Variants in TGFBR3 observed in about 807,000 individuals in gnomAD.
The protein encoded by TGFBR3 is transforming growth factor beta receptor type 3.
In TGFBR3, 46 loss-of-function variants were observed where a neutral mutation model predicts 87.9. The observed-to-expected ratio is 0.52, with a 90% CI of 0.41 to 0.67. The LOEUF is 0.67. Among genes scored for constraint, TGFBR3 ranks in the 30% least tolerant of loss-of-function variants. TGFBR3 has a pLI of 0.00. For synonymous variants in TGFBR3, 381 were observed against 391.6 expected (o/e 0.97, Z 0.32); for missense variants, 866 against 1,041.9 (o/e 0.83, Z 2.32).
chr1:91,873,267 G>T (rs892029585), intron 1 of TGFBR3, among the ~76,000 whole-genome samples: 2 of 147,576 alleles, frequency 1.4e-5, no homozygotes, highest in Non-Finnish European at 3.0e-5. Flanking sequence ...CATCACACCT[G>T]GCCAATTTTC....
Position 91,881,893 on chromosome 1 carries a change from G to A in TGFBR3, c.-114+3985C>T, listed in dbSNP as rs368472913. 7.6e-4 allele frequency among the ~76,000 whole-genome samples: 115 copies of A among 151,840 alleles called. No individual in the cohort carries two copies. In the South Asian group the frequency reaches 0.011, roughly 15 times the overall value. ...TCTCTACGAAAAATATAAAAAATTA[G>A]TCGGGCGTGGTGGCATGCACCTGTG... On this transcript the variant is annotated intron_variant, in intron 1 of 16. Coordinates refer to ENST00000212355, the MANE Select transcript of TGFBR3 (RefSeq NM_003243.5).
intron 2 of TGFBR3, among the ~76,000 whole-genome samples, chr1:91,858,610 C>T (rs1327791573): frequency 1.3e-5 from 1 of 78,292 alleles, no homozygotes; most frequent in African/African-American, 5.4e-5. Flanking sequence ...GACTCTGTCT[C>T]AAAAAAAAAA....
At chr1:91,714,149 C>G (rs906878959) in intron 12 of TGFBR3, among the ~76,000 whole-genome samples, 6 of 151,914 alleles carry the variant, frequency 3.9e-5, no homozygotes, top group African/African-American at 1.5e-4. Flanking sequence ...TACATGCTCT[C>G]CTGCTCACGT....
At chr1:91,782,118 C>G (rs1674791386) in intron 3 of TGFBR3, among the ~76,000 whole-genome samples, 1 of 152,060 alleles carries the variant, frequency 6.6e-6, no homozygotes, top group South Asian at 2.1e-4. Flanking sequence ...ATACCGAGAG[C>G]AATGAAGGGC....
At chr1:91,898,446 G>GT (rs143942076) in intron 2 of TGFBR3, among the ~76,000 whole-genome samples, 7,598 of 151,614 alleles carry the variant, frequency 0.05, 198 homozygotes, top group Non-Finnish European at 0.067. Context: ...TGGTTTTTCT[G>GT]TTTTTTTTGA....
chr1:91,760,187 A>G (rs1269424370), intron 3 of TGFBR3, among the ~76,000 whole-genome samples: 1 of 152,222 alleles, frequency 6.6e-6, no homozygotes, highest in African/African-American at 2.4e-5. Context: ...TGCATGTCTT[A>G]ATTTCCAAAA....
chr1:91,816,393 C>T (rs1393762096), intron 2 of TGFBR3, among the ~76,000 whole-genome samples: 6 of 152,082 alleles, frequency 3.9e-5, no homozygotes, highest in Non-Finnish European at 8.8e-5. Context: ...CTTTCTTTCT[C>T]CTCATTTTTC....
rs1479248842 is a variant in TGFBR3, at chr1:91,849,047, G to GA, written c.61+12423dup. Among the ~76,000 whole-genome samples, 11 of 152,254 alleles carry GA rather than the reference G, an allele frequency of 7.2e-5. No individual in the cohort carries two copies. The East Asian group carries it at 1.9e-3, about 27-fold the overall frequency. Reference sequence around the variant, plus strand: ...TCCTCCTCAAAAGGAATAGGTTGGGGAAAAATTACAAAAGCATCATTCTGA... The same window carrying GA: ...TCCTCCTCAAAAGGAATAGGTTGGGGAAAAAATTACAAAAGCATCATTCTGA... On this transcript the variant is annotated intron_variant, in intron 2 of 16. Transcript: ENST00000212355.
intron 2 of TGFBR3, among the ~76,000 whole-genome samples, chr1:91,836,195 C>T (rs1184704188): frequency 6.6e-6 from 1 of 151,940 alleles, no homozygotes; most frequent in East Asian, 1.9e-4. Context: ...TGCGGTGAGC[C>T]GAGATTGCAC....
intron 14 of TGFBR3, among the ~76,000 whole-genome samples, chr1:91,701,800 G>A (rs1671627445): frequency 6.6e-6 from 1 of 152,144 alleles, no homozygotes; most frequent in African/African-American, 2.4e-5. Flanking sequence ...AGAAGAATGG[G>A]GAGAGGAAGA....
intron 14 of TGFBR3, among the ~76,000 whole-genome samples, chr1:91,703,577 T>C (rs1233387888): frequency 6.6e-6 from 1 of 152,214 alleles, no homozygotes; most frequent in East Asian, 1.9e-4. Flanking sequence ...CTCTTCTGTG[T>C]ATGTGCACTG....
At chr1:91,774,141 T>C (rs1674480275) in intron 3 of TGFBR3, among the ~76,000 whole-genome samples, 4 of 144,102 alleles carry the variant, frequency 2.8e-5, no homozygotes, top group South Asian at 2.4e-4. Context: ...CTTTTAGATA[T>C]ACTTTTCTTT....
intron 2 of TGFBR3, among the ~76,000 whole-genome samples, chr1:91,858,004 G>A (rs1186139624): frequency 6.6e-6 from 1 of 152,184 alleles, no homozygotes; most frequent in African/African-American, 2.4e-5. Flanking sequence ...CCTGGACTAA[G>A]TAGGTTTATA....
chr1:91,901,930 A>C (rs996490708), intron 1 of TGFBR3, among the ~76,000 whole-genome samples: 26 of 127,058 alleles, frequency 2.0e-4, no homozygotes, highest in South Asian at 5.4e-4. Flanking sequence ...ACCCTCCCCC[A>C]CCCCACCAAA....
intron 14 of TGFBR3, among the ~76,000 whole-genome samples, chr1:91,707,957 G>C (rs1193299293): frequency 3.9e-5 from 6 of 152,154 alleles, no homozygotes; most frequent in Non-Finnish European, 7.3e-5. Flanking sequence ...GCCCAGTTCT[G>C]CCTCTCTACT....
At chr1:91,874,097 T>G (rs1678691323) in intron 1 of TGFBR3, among the ~76,000 whole-genome samples, 1 of 152,204 alleles carries the variant, frequency 6.6e-6, no homozygotes, top group Non-Finnish European at 1.5e-5. Context: ...GCTTTCATTC[T>G]AGCTAAAGGA....
chr1:91,824,247 C>T (rs1676554434), intron 2 of TGFBR3, among the ~76,000 whole-genome samples: 1 of 152,070 alleles, frequency 6.6e-6, no homozygotes, highest in Non-Finnish European at 1.5e-5. Context: ...GACTCTGGAG[C>T]CAGACTGCCA....
At position 91,680,839 on chromosome 1, in the gene TGFBR3, C is replaced by T. The variant is rs1448451021; in HGVS notation, c.*2900G>A. 1 of 450,510 alleles carries T rather than the reference C, an allele frequency of 2.2e-6. No homozygotes were observed. Among genetic ancestry groups the T allele is most frequent in the East Asian group, 7.0e-5 (1 of 14,360 alleles). The allele number at this position is 450,510 out of a possible 1,614,324, so 27.9% of individuals were successfully genotyped here. A position where few individuals can be genotyped will look rare whatever the true frequency, so the allele number is the denominator to read the frequency against. On this transcript the variant is annotated 3_prime_UTR_variant, in exon 17 of 17. Coordinates refer to ENST00000212355, the MANE Select transcript of TGFBR3 (RefSeq NM_003243.5). ...CACAAGCAGGAAATGGATTTACAAT[C>T]TTATTACAAGGCAAAGAAAAAAACC... is the stretch of plus-strand genomic sequence containing the variant.
At chr1:91,814,391 A>T (rs564383786) in intron 2 of TGFBR3, among the ~76,000 whole-genome samples, 1 of 152,340 alleles carries the variant, frequency 6.6e-6, no homozygotes, top group Non-Finnish European at 1.5e-5. Flanking sequence ...TAAAAAGTAT[A>T]GGAAGTTACA....
Sources: gnomAD v4.1 joint callset for allele counts (sites outside exome capture counted in the v4.1 genomes callset) on GRCh38, gnomAD v4.1.1 for gene constraint, MANE v1.5 for transcripts, NCBI Gene and HGNC (gene_info 2026-07-23, HGNC 2026-07-21) for gene names.